The following CFAP46 variants were observed in gnomAD, a reference collection of about 807,000 sequenced individuals.
CFAP46 encodes cilia- and flagella-associated protein 46.
In CFAP46, 245 loss-of-function variants were observed where a neutral mutation model predicts 325.7. The ratio of observed to expected loss-of-function variants is 0.75; its 90% CI spans 0.68 to 0.84. The LOEUF is 0.84. Among genes scored for constraint, CFAP46 ranks in the 40% least tolerant of loss-of-function variants. The pLI is 0.00. For synonymous variants in CFAP46, 1,523 were observed against 1,495.9 expected (o/e 1.02, Z -0.42); for missense variants, 3,346 against 3,543.0 (o/e 0.94, Z 1.41).
intron 43 of CFAP46, 139 bp from the exon 44 acceptor site, chr10:132,846,366 G>A (rs1359939965): frequency 9.7e-7 from 1 of 1,031,784 alleles, no homozygotes; most frequent in Non-Finnish European, 1.4e-6. Context: ...CTGGGATGCT[G>A]GCTCCTCCTG....
At chr10:132,816,462 G>C (rs1591029921) in intron 50 of CFAP46, among the ~76,000 whole-genome samples, 1 of 151,534 alleles carries the variant, frequency 6.6e-6, no homozygotes, top group East Asian at 2.0e-4. Flanking sequence ...CTCCCGAGTA[G>C]CTGGGATTAC....
intron 35 of CFAP46, among the ~76,000 whole-genome samples, chr10:132,864,545 G>T (rs140383707): frequency 0.014 from 1,360 of 96,492 alleles, 19 homozygotes; most frequent in Middle Eastern, 0.031. Flanking sequence ...GCACACACCT[G>T]CCCTCAGTGC....
chr10:132,848,514 A>G (rs1471342496), intron 41 of CFAP46, among the ~76,000 whole-genome samples: 1 of 151,180 alleles, frequency 6.6e-6, no homozygotes, highest in Non-Finnish European at 1.5e-5. Flanking sequence ...CTTTTCAGGC[A>G]TGAACACGGT....
intron 40 of CFAP46, 138 bp downstream of exon 40, chr10:132,850,979 C>A (rs191912577): frequency 3.1e-6 from 3 of 953,476 alleles, no homozygotes; most frequent in South Asian, 1.6e-5. Flanking sequence ...GGAGCTCCCC[C>A]TGCTGCAAGA....
rs566030106 is a variant in CFAP46 at position 132,832,745 on chromosome 10, C to T, written c.7117+613G>A. On this transcript the variant is annotated intron_variant, in intron 50 of 57. Transcript: ENST00000368586. This position sits in a 1 kb window ranked among gnomAD's most constrained non-coding sequence, Gnocchi z 4.1. The stretch of plus-strand genomic sequence containing the variant: ...AGCACTCAGTCACAGAATGTCATCA[C>T]CCCCGAATCCCAGCCGAGGTCAGGG... 2 of 471,136 alleles carry T rather than the reference C, an allele frequency of 4.2e-6. No individual in the cohort carries two copies. The highest frequency in any genetic ancestry group is 2.0e-5 in the African/African-American group (1 of 50,064). 29.2% of individuals were successfully genotyped at this position (471,136 alleles called of 1,614,324 possible). A position where few individuals can be genotyped will look rare whatever the true frequency, so the allele number is the denominator to read the frequency against.
In CFAP46 at chr10:132,808,790, C is replaced by T. The variant is rs1289088998; in HGVS notation, c.7779G>A (p.Val2593=). 5.0e-6 allele frequency: 8 copies of T among 1,601,916 alleles called. No homozygotes were observed. Among genetic ancestry groups the T allele is most frequent in the African/African-American group, 1.3e-5 (1 of 74,746 alleles). The change falls in exon 58 of 58, where the codon GTG becomes GTA. Residue 2593 remains valine, a synonymous_variant. Coordinates refer to ENST00000368586, the MANE Select transcript of CFAP46 (RefSeq NM_001200049.3). This position sits in a 1 kb window ranked among gnomAD's most constrained non-coding sequence, Gnocchi z 6.8. Reference sequence around the variant, plus strand: ...CTGATGGGAGGCAGGTCCAGGCCTGCACTACCCGATGGCTTGGTGCGGCAG... The same window carrying T: ...CTGATGGGAGGCAGGTCCAGGCCTGTACTACCCGATGGCTTGGTGCGGCAG... The part of the protein sequence containing the change: ...VWAAAPSHRV[V]QAWTCLPSAA...
intron 41 of CFAP46, among the ~76,000 whole-genome samples, chr10:132,848,500 T>TC (rs1453523699): frequency 1.5e-5 from 2 of 131,192 alleles, no homozygotes; most frequent in South Asian, 4.8e-4. Flanking sequence ...GAAAGTTTCC[T>TC]CCCCTTTTCA....
At chr10:132,810,757 G>A in intron 56 of CFAP46, 193 bp downstream of exon 56, 1 of 731,416 alleles carries the variant, frequency 1.4e-6, no homozygotes, top group South Asian at 1.5e-5. Context: ...TGGTGCCAGG[G>A]GCCCGGCTGA....
At chr10:132,820,775 GCTGATGCGTGCTGTGTGAGCA>G in intron 50 of CFAP46, among the ~76,000 whole-genome samples, 1 of 131,532 alleles carries the variant, frequency 7.6e-6, no homozygotes, top group Non-Finnish European at 1.6e-5. Flanking sequence ...CTGTGTGTGC[GCTGATGCGTGCTGTGTGAGCA>G]CTGATGTGTG....
At chr10:132,809,854 G>A (rs554685775) in intron 57 of CFAP46, among the ~76,000 whole-genome samples, 5 of 152,318 alleles carry the variant, frequency 3.3e-5, no homozygotes, top group Admixed American at 2.0e-4. Flanking sequence ...AGGGACGGGC[G>A]CTGGATGCCA....
At chr10:132,825,953 GGCCACAGAGACCA>G (rs1848038315) in intron 50 of CFAP46, among the ~76,000 whole-genome samples, 2 of 126,484 alleles carry the variant, frequency 1.6e-5, no homozygotes, top group African/African-American at 5.2e-5. Context: ...GAACACGGCC[GGCCACAGAGACCA>G]GCCACGGAGC....
chr10:132,825,892 C>A (rs1314812543), intron 50 of CFAP46, among the ~76,000 whole-genome samples: 1 of 152,174 alleles, frequency 6.6e-6, no homozygotes, highest in African/African-American at 2.4e-5. Context: ...GACATGCAGA[C>A]AGACAGGGTG....
intron 10 of CFAP46, among the ~76,000 whole-genome samples, chr10:132,925,693 C>A (rs1564803116): frequency 6.6e-6 from 1 of 152,264 alleles, no homozygotes; most frequent in Non-Finnish European, 1.5e-5. Context: ...GAAGCTCAGC[C>A]CCACGGAGGC....
chr10:132,905,423 T>C (rs1849442702), intron 22 of CFAP46, among the ~76,000 whole-genome samples: 1 of 151,874 alleles, frequency 6.6e-6, no homozygotes, highest in Admixed American at 6.6e-5. Context: ...GTTGAATCTG[T>C]TATTTCTAGC....
At position 132,939,539 on chromosome 10, in the gene CFAP46, C is replaced by T. The variant is rs1271936378; in HGVS notation, c.372-786G>A. ...GGCCACCAGGTGGACCAGCACTGCT[C>T]AATGCCCAGGTGGGAGGAGGACACC... On this transcript the variant is annotated intron_variant, in intron 4 of 57. Coordinates refer to ENST00000368586, the MANE Select transcript of CFAP46 (RefSeq NM_001200049.3). This position sits in a 1 kb window ranked among gnomAD's most constrained non-coding sequence, Gnocchi z 4.6. Among the ~76,000 whole-genome samples the T allele has an allele frequency of 6.6e-6, 1 of 152,196 alleles. No homozygotes were observed. Among genetic ancestry groups the T allele is most frequent in the African/African-American group, 2.4e-5 (1 of 41,446 alleles).
At chr10:132,819,638 G>A (rs1194022457) in intron 50 of CFAP46, among the ~76,000 whole-genome samples, 5 of 152,158 alleles carry the variant, frequency 3.3e-5, no homozygotes, top group East Asian at 1.9e-4. Context: ...CACACAATGC[G>A]GAAATGACGG....
intron 39 of CFAP46, 88 bp downstream of exon 39, chr10:132,857,502 G>A: frequency 7.5e-7 from 1 of 1,332,918 alleles, no homozygotes; most frequent in South Asian, 1.3e-5. Context: ...AGAAGCAGAA[G>A]TCAGCTGGCT....
intron 55 of CFAP46, among the ~76,000 whole-genome samples, chr10:132,812,092 C>A (rs1437757798): frequency 6.6e-6 from 1 of 152,222 alleles, no homozygotes; most frequent in Admixed American, 6.5e-5. Flanking sequence ...GTGGCCTCGG[C>A]ACAAGGCTGA....
At chr10:132,892,837 T>G (rs1564792407) in intron 24 of CFAP46, among the ~76,000 whole-genome samples, 1 of 152,174 alleles carries the variant, frequency 6.6e-6, no homozygotes, top group African/African-American at 2.4e-5. Flanking sequence ...TGACACCATT[T>G]TGCTTTTCAT....
Sources: allele counts gnomAD v4.1 joint callset (sites outside exome capture counted in the v4.1 genomes callset), GRCh38; gene constraint gnomAD v4.1.1; non-coding constraint Gnocchi (gnomAD v3.1); transcripts MANE v1.5; gene names NCBI Gene and HGNC (gene_info 2026-07-23, HGNC 2026-07-21).